The following ANTXR1 variants were observed in gnomAD, a reference collection of about 807,000 sequenced individuals.
The protein encoded by ANTXR1 is anthrax toxin receptor 1.
Under a neutral mutation model 78.1 loss-of-function variants are expected in ANTXR1, and 19 were observed. The ratio of observed to expected loss-of-function variants is 0.24; its 90% confidence interval spans 0.17 to 0.36. The LOEUF is 0.36. ANTXR1 is among the 10% of genes least tolerant of loss of function. The pLI, the probability that ANTXR1 is intolerant of heterozygous loss-of-function variation, is 1.00. For synonymous variants in ANTXR1, 273 were observed against 260.5 expected (o/e 1.05, Z -0.46); for missense variants, 518 against 718.6 (o/e 0.72, Z 3.19).
chr2:69,175,349 C>A (rs567339797), intron 14 of ANTXR1, among the ~76,000 whole-genome samples: 1 of 152,284 alleles, frequency 6.6e-6, no homozygotes, highest in Non-Finnish European at 1.5e-5. Context: ...GTGACTCACT[C>A]CTGTAACCCC....
At chr2:69,028,160 T>C (rs911204371) in intron 1 of ANTXR1, among the ~76,000 whole-genome samples, 3 of 152,184 alleles carry the variant, frequency 2.0e-5, no homozygotes, top group Non-Finnish European at 4.4e-5. Context: ...AAGTATAGTC[T>C]AGAAGAAACT....
intron 12 of ANTXR1, among the ~76,000 whole-genome samples, chr2:69,126,335 A>G (rs556522581): frequency 1.9e-3 from 295 of 152,358 alleles, no homozygotes; most frequent in African/African-American, 6.6e-3. Flanking sequence ...GTTACCACTG[A>G]GAAATGTCCA....
chr2:69,040,745 G>A (rs1669589764), intron 2 of ANTXR1, among the ~76,000 whole-genome samples: 1 of 152,194 alleles, frequency 6.6e-6, no homozygotes. Context: ...ACCCCACTGT[G>A]TGCAGCCTCC....
chr2:69,041,096 G>A (rs1302900769), intron 2 of ANTXR1, among the ~76,000 whole-genome samples: 3 of 152,146 alleles, frequency 2.0e-5, no homozygotes, highest in African/African-American at 7.2e-5. Flanking sequence ...ACAGCAGGAA[G>A]CATCTAAACC....
At chr2:69,190,493 G>A (rs1011696748) in intron 16 of ANTXR1, among the ~76,000 whole-genome samples, 1 of 152,160 alleles carries the variant, frequency 6.6e-6, no homozygotes, top group African/African-American at 2.4e-5. Context: ...ACTTTACTAT[G>A]ATCATAGGTA....
chr2:69,191,684 T>C (rs1213386628), intron 16 of ANTXR1, among the ~76,000 whole-genome samples: 2 of 152,226 alleles, frequency 1.3e-5, no homozygotes, highest in Non-Finnish European at 2.9e-5. Flanking sequence ...ACAAAATTGA[T>C]TTCATAAGGG....
chr2:69,087,788 A>G (rs1671101148), intron 8 of ANTXR1, among the ~76,000 whole-genome samples: 1 of 152,038 alleles, frequency 6.6e-6, no homozygotes, highest in African/African-American at 2.4e-5. Context: ...ACCCCCACAC[A>G]GTCTCCAGTC....
intron 17 of ANTXR1, among the ~76,000 whole-genome samples, chr2:69,209,352 T>C (rs1270179569): frequency 1.3e-5 from 2 of 152,248 alleles, no homozygotes; most frequent in Admixed American, 6.5e-5. Flanking sequence ...GACACAGTTG[T>C]TCCCATTCCT....
intron 17 of ANTXR1, among the ~76,000 whole-genome samples, chr2:69,226,119 G>C (rs889434291): frequency 6.6e-6 from 1 of 152,180 alleles, no homozygotes; most frequent in Non-Finnish European, 1.5e-5. Context: ...CCTCAATGAG[G>C]GGGTTGGTAG....
chr2:69,202,799 A>G (rs994354709), intron 17 of ANTXR1, among the ~76,000 whole-genome samples: 2 of 152,192 alleles, frequency 1.3e-5, no homozygotes, highest in East Asian at 1.9e-4. Context: ...TGGGAACCCC[A>G]TTGCTCCTAT....
chr2:69,064,611 C>T (rs944456443), intron 3 of ANTXR1, among the ~76,000 whole-genome samples: 1 of 152,048 alleles, frequency 6.6e-6, no homozygotes, highest in Non-Finnish European at 1.5e-5. Context: ...TTACAAGAGA[C>T]ACTTTAAATA....
chr2:69,032,351 TTTTG>T (rs1281843695), intron 1 of ANTXR1, among the ~76,000 whole-genome samples: 3 of 152,164 alleles, frequency 2.0e-5, no homozygotes, highest in Non-Finnish European at 2.9e-5. Context: ...ATTTTCTTCC[TTTTG>T]TTTGTCTTTC....
intron 1 of ANTXR1, among the ~76,000 whole-genome samples, chr2:69,024,391 T>A (rs115011638): frequency 6.6e-6 from 1 of 152,324 alleles, no homozygotes; most frequent in Non-Finnish European, 1.5e-5. Flanking sequence ...GATTTTTAAA[T>A]GCCCAGAAGA....
At chr2:69,186,742 A>G (rs907618674) in intron 16 of ANTXR1, among the ~76,000 whole-genome samples, 2 of 152,250 alleles carry the variant, frequency 1.3e-5, no homozygotes, top group Admixed American at 6.5e-5. Context: ...GCAAACAAAG[A>G]ATGGTTTTTA....
intron 17 of ANTXR1, among the ~76,000 whole-genome samples, chr2:69,230,880 G>A (rs1390194167): frequency 6.6e-6 from 1 of 152,164 alleles, no homozygotes; most frequent in Non-Finnish European, 1.5e-5. Context: ...ATGGGGGCTT[G>A]TTGTACAGAT....
chr2:69,057,677 G>A (rs1161059672), intron 3 of ANTXR1, among the ~76,000 whole-genome samples: 1 of 152,074 alleles, frequency 6.6e-6, no homozygotes, highest in Non-Finnish European at 1.5e-5. Context: ...ATTGAAATTA[G>A]GTCAGTTAAC....
At chr2:69,193,465 A>T (rs552954262) in intron 17 of ANTXR1, 50 bp downstream of exon 17, 78 of 630,790 alleles carry the variant, frequency 1.2e-4, no homozygotes, top group South Asian at 6.4e-4. Context: ...TCTCTCACAT[A>T]CACACACACA....
intron 8 of ANTXR1, among the ~76,000 whole-genome samples, chr2:69,082,061 A>G (rs1670914400): frequency 6.6e-6 from 1 of 152,202 alleles, no homozygotes; most frequent in Non-Finnish European, 1.5e-5. Flanking sequence ...GCAGGCCAGG[A>G]AGTAGCTCCA....
At position 69,102,815 on chromosome 2, in the gene ANTXR1, G is replaced by A. The variant is rs191812452; in HGVS notation, c.704-27G>A. 32 of 1,603,898 alleles carry A rather than the reference G, an allele frequency of 2.0e-5. No individual in the cohort carries two copies. The East Asian group carries it at 6.0e-4, about 30-fold the overall frequency. ...AGCTTAAGGTTATTGGCCAAGTAAC[G>A]AGTCTCGTCATTATTCTTTATTTCA... On this transcript the variant is annotated intron_variant, in intron 9 of 17. Transcript: ENST00000303714.
Sources: gnomAD v4.1 joint callset for allele counts (sites outside exome capture counted in the v4.1 genomes callset) on GRCh38, gnomAD v4.1.1 for gene constraint, MANE v1.5 for transcripts, NCBI Gene and HGNC (gene_info 2026-07-23, HGNC 2026-07-21) for gene names.